The following CYBB variants were observed in gnomAD, a reference collection of about 807,000 sequenced individuals.
CYBB encodes cytochrome b-245 beta chain.
Under a neutral mutation model 46.5 loss-of-function variants are expected in CYBB, and 5 were observed. The ratio of observed to expected loss-of-function variants is 0.11; its 90% confidence interval spans 0.06 to 0.23. The LOEUF is 0.23. Among genes scored for constraint, CYBB ranks in the 10% least tolerant of loss-of-function variants. The pLI, the probability that CYBB is intolerant of heterozygous loss-of-function variation, is 1.00. For synonymous variants in CYBB, 183 were observed against 156.7 expected (o/e 1.17, Z -1.26); for missense variants, 307 against 428.3 (o/e 0.72, Z 2.50).
intron 6 of CYBB, among the ~76,000 whole-genome samples, chrX:37,796,373 A>G (rs1929307814): frequency 8.9e-6 from 1 of 111,935 alleles, no homozygotes; most frequent in South Asian, 3.7e-4. Context: ...AAGCTTGAAA[A>G]ATACACCAAA....
intron 4 of CYBB, 138 bp downstream of exon 4, chrX:37,792,197 A>G (rs1321875912): frequency 4.1e-6 from 2 of 485,207 alleles, no homozygotes; most frequent in Non-Finnish European, 7.4e-6. Context: ...AGTTTTGCTC[A>G]AAAGTATTTA....
chrX:37,783,212 T>C (rs191339934), intron 2 of CYBB, among the ~76,000 whole-genome samples: 187 of 111,869 alleles, frequency 1.7e-3, no homozygotes, highest in Admixed American at 0.014. Flanking sequence ...ATCTGGGAGA[T>C]GAATAAACAG....
chrX:37,784,828 A>G (rs782412849), intron 3 of CYBB, among the ~76,000 whole-genome samples: 3 of 112,140 alleles, frequency 2.7e-5, no homozygotes, highest in Non-Finnish European at 5.6e-5. Context: ...GATGCCTGAC[A>G]TAAGGCTGGA....
chrX:37,787,623 A>G (rs1368938671), intron 3 of CYBB, among the ~76,000 whole-genome samples: 1 of 111,894 alleles, frequency 8.9e-6, no homozygotes, highest in Non-Finnish European at 1.9e-5. Flanking sequence ...GCTATGGGGC[A>G]TGATGGCAAC....
Position 37,811,642 on chromosome X carries a change from AAATG to A in CYBB, c.*737_*740del, listed in dbSNP as rs1929677882. On this transcript the variant is annotated 3_prime_UTR_variant, in exon 13 of 13. Transcript: ENST00000378588. ...AGCGGATACTCAAGTAAGTTTTGTTAAATGAATGAATGAATTTAGAACCACACAA... is the reference window on the plus strand; with the variant it reads ...AGCGGATACTCAAGTAAGTTTTGTTAAATGAATGAATTTAGAACCACACAA... 1 of 112,379 alleles carries A rather than the reference AAATG, an allele frequency of 8.9e-6. No individual in the cohort carries two copies. The highest frequency in any genetic ancestry group is 3.2e-5 in the African/African-American group (1 of 30,909). 9.3% of individuals were successfully genotyped at this position (112,379 alleles called of 1,213,427 possible). A position where few individuals can be genotyped will look rare whatever the true frequency, so the allele number is the denominator to read the frequency against.
At chrX:37,781,174 A>G (rs1928944817) in intron 1 of CYBB, among the ~76,000 whole-genome samples, 1 of 112,630 alleles carries the variant, frequency 8.9e-6, no homozygotes, top group Admixed American at 9.4e-5. Flanking sequence ...CACCATTTTT[A>G]AGGGCAAATA....
At chrX:37,809,839 A>T in intron 12 of CYBB, 148 bp downstream of exon 12, 1 of 576,594 alleles carries the variant, frequency 1.7e-6, no homozygotes, top group Non-Finnish European at 2.7e-6. Flanking sequence ...AAGATTCCAG[A>T]TATCTTCAAC....
At chrX:37,794,812 A>G (rs1354017685) in intron 5 of CYBB, among the ~76,000 whole-genome samples, 1 of 111,841 alleles carries the variant, frequency 8.9e-6, no homozygotes, top group Non-Finnish European at 1.9e-5. Context: ...TCACATTAAT[A>G]TGCACTGAAT....
chrX:37,802,635 C>CT (rs1360431002), intron 8 of CYBB, among the ~76,000 whole-genome samples: 2 of 111,850 alleles, frequency 1.8e-5, no homozygotes, highest in Non-Finnish European at 3.8e-5. Flanking sequence ...AGCTTTACAA[C>CT]TCCTTATTTC....
Position 37,804,123 on chromosome X carries a change from C to T in CYBB, c.1144C>T (p.Leu382=). 3.3e-6 allele frequency: 4 copies of T among 1,210,541 alleles called. No individual in the cohort carries two copies. Among genetic ancestry groups the T allele is most frequent in the Non-Finnish European group, 4.5e-6 (4 of 894,838 alleles). ...DKQEFQDAWK[L]PKIAVDGPFG... ...GCAGGAGTTTCAAGATGCGTGGAAA[C>T]TACCTAAGTGAGTAAAAAGTACATA... The change falls in exon 9 of 13, where the codon CTA becomes TTA. Residue 382 remains leucine, a synonymous_variant. Transcript: ENST00000378588.
In CYBB at chrX:37,811,849, G is replaced by A. The variant is rs1323800192; in HGVS notation, c.*932G>A. 1 of 111,559 alleles carries A rather than the reference G, an allele frequency of 9.0e-6. No homozygotes were observed. Among genetic ancestry groups the A allele is most frequent in the Non-Finnish European group, 1.9e-5 (1 of 53,102 alleles). 9.2% of individuals were successfully genotyped at this position (111,559 alleles called of 1,213,427 possible). A position where few individuals can be genotyped will look rare whatever the true frequency, so the allele number is the denominator to read the frequency against. On this transcript the variant is annotated 3_prime_UTR_variant, in exon 13 of 13. Transcript: ENST00000378588. ...TTCTTATTTGAAGCATGAAAAAAGA[G>A]GGTTGGAGGTGGAGAATTAACCTCC...
At chrX:37,784,795 G>A (rs1556465097) in intron 3 of CYBB, among the ~76,000 whole-genome samples, 1 of 111,890 alleles carries the variant, frequency 8.9e-6, no homozygotes, top group East Asian at 2.8e-4. Flanking sequence ...ACTTTTGTGG[G>A]AATGTAGGGA....
intron 11 of CYBB, among the ~76,000 whole-genome samples, chrX:37,809,112 T>C (rs1207383513): frequency 4.4e-5 from 5 of 112,507 alleles, no homozygotes; most frequent in African/African-American, 1.3e-4. Flanking sequence ...TACCAAAGTA[T>C]TGCTGCATTT....
intron 6 of CYBB, chrX:37,798,302 G>A (rs1556468980): frequency 2.7e-5 from 3 of 112,869 alleles, no homozygotes; most frequent in African/African-American, 9.7e-5. Flanking sequence ...AAATGAATGG[G>A]CTCTGAGCAA....
intron 3 of CYBB, among the ~76,000 whole-genome samples, chrX:37,787,193 A>G (rs1929089569): frequency 8.9e-6 from 1 of 111,890 alleles, no homozygotes; most frequent in Admixed American, 9.5e-5. Context: ...AGTGTTATTC[A>G]TATTTATCAG....
intron 3 of CYBB, among the ~76,000 whole-genome samples, chrX:37,788,026 A>G (rs1929110000): frequency 8.9e-6 from 1 of 112,126 alleles, no homozygotes; most frequent in African/African-American, 3.2e-5. Context: ...AAAATTACCT[A>G]TTAAGATGAA....
intron 3 of CYBB, among the ~76,000 whole-genome samples, chrX:37,787,546 G>T (rs782074956): frequency 8.9e-6 from 1 of 111,820 alleles, no homozygotes; most frequent in African/African-American, 3.3e-5. Flanking sequence ...CAAGGCTTCC[G>T]GTGACAGTAA....
At chrX:37,785,024 T>G (rs1431139103) in intron 3 of CYBB, among the ~76,000 whole-genome samples, 1 of 112,215 alleles carries the variant, frequency 8.9e-6, no homozygotes, top group South Asian at 3.6e-4. Flanking sequence ...ATCCAGAGAA[T>G]TTTTTTCTTT....
chrX:37,809,831 G>T (rs1929635243), intron 12 of CYBB, 140 bp downstream of exon 12: 2 of 600,582 alleles, frequency 3.3e-6, no homozygotes, highest in Non-Finnish European at 5.2e-6. Flanking sequence ...CCCAACAGAA[G>T]ATTCCAGATA....
Sources: gnomAD v4.1 joint callset for allele counts (sites outside exome capture counted in the v4.1 genomes callset) on GRCh38, gnomAD v4.1.1 for gene constraint, MANE v1.5 for transcripts, NCBI Gene and HGNC (gene_info 2026-07-23, HGNC 2026-07-21) for gene names.